Variants in APP observed in about 807,000 individuals in gnomAD.
APP encodes the protein amyloid beta precursor protein.
Under a neutral mutation model 101.4 loss-of-function variants are expected in APP, and 31 were observed. The ratio of observed to expected loss-of-function variants is 0.31; its 90% CI spans 0.23 to 0.41. APP has a LOEUF of 0.41. Among genes scored for constraint, APP ranks in the 10% least tolerant of loss-of-function variants. The pLI is 1.00. For synonymous variants in APP, 366 were observed against 364.4 expected (o/e 1.00, Z -0.05); for missense variants, 839 against 1,003.7 (o/e 0.84, Z 2.22).
At chr21:26,113,837 T>C (rs1437889674) in intron 1 of APP, among the ~76,000 whole-genome samples, 1 of 152,214 alleles carries the variant, frequency 6.6e-6, no homozygotes, top group Non-Finnish European at 1.5e-5. Flanking sequence ...GAAATGCAAA[T>C]GTTGTCAATC....
At chr21:26,152,432 G>A (rs2063297174) in intron 1 of APP, among the ~76,000 whole-genome samples, 1 of 151,828 alleles carries the variant, frequency 6.6e-6, no homozygotes, top group Non-Finnish European at 1.5e-5. Flanking sequence ...TACCCATTCA[G>A]TAAACATTAC....
At chr21:25,884,218 C>T (rs367734381) in intron 17 of APP, among the ~76,000 whole-genome samples, 26 of 152,262 alleles carry the variant, frequency 1.7e-4, no homozygotes, top group East Asian at 1.4e-3. Context: ...AGAGACTGTG[C>T]GCCACTGTGA....
rs541399519 is a variant in APP, at chr21:26,066,001, G to A, written c.356-12653C>T. Reference sequence around the variant, plus strand: ...GCTCCACAGCCTAGATCTGATTTACGTGTTCTGGGACGCGCCTGAAAACAG... The same window carrying A: ...GCTCCACAGCCTAGATCTGATTTACATGTTCTGGGACGCGCCTGAAAACAG... On this transcript the variant is annotated intron_variant, in intron 3 of 17. Coordinates refer to ENST00000346798, the MANE Select transcript of APP (RefSeq NM_000484.4). 5.3e-5 allele frequency among the ~76,000 whole-genome samples: 8 copies of A among 152,218 alleles called. No individual in the cohort carries two copies. The East Asian group carries it at 1.5e-3, about 29-fold the overall frequency.
At chr21:25,897,848 C>G in intron 15 of APP, 175 bp from the exon 16 acceptor site, 1 of 616,312 alleles carries the variant, frequency 1.6e-6, no homozygotes, top group South Asian at 2.0e-5. Flanking sequence ...CAATTACTAC[C>G]TATTTTGAAC....
intron 11 of APP, among the ~76,000 whole-genome samples, chr21:25,958,520 G>A (rs992793677): frequency 2.0e-5 from 3 of 150,704 alleles, no homozygotes; most frequent in Non-Finnish European, 4.4e-5. Context: ...CTCGTGATCT[G>A]CCCGCCTTGG....
At chr21:25,901,350 C>A in intron 15 of APP, among the ~76,000 whole-genome samples, 1 of 140,750 alleles carries the variant, frequency 7.1e-6, no homozygotes. Context: ...AAAAACTTTA[C>A]AAGCCCACAC....
At chr21:25,945,085 A>G (rs897767464) in intron 13 of APP, among the ~76,000 whole-genome samples, 1 of 152,234 alleles carries the variant, frequency 6.6e-6, no homozygotes, top group African/African-American at 2.4e-5. Context: ...ATGCACAAAA[A>G]TAAAAGAATG....
chr21:26,045,511 CTAT>C (rs1334961350), intron 5 of APP, among the ~76,000 whole-genome samples: 1 of 152,154 alleles, frequency 6.6e-6, no homozygotes, highest in Non-Finnish European at 1.5e-5. Context: ...AAAATATTTA[CTAT>C]GTTAACTCTT....
intron 17 of APP, among the ~76,000 whole-genome samples, chr21:25,889,408 T>C (rs1203741149): frequency 6.6e-6 from 1 of 152,190 alleles, no homozygotes; most frequent in Admixed American, 6.5e-5. Context: ...AGAGGGTAAA[T>C]TTCTGTTGCT....
chr21:25,984,548 G>A (rs2042566309), intron 8 of APP, among the ~76,000 whole-genome samples: 1 of 152,108 alleles, frequency 6.6e-6, no homozygotes, highest in African/African-American at 2.4e-5. Context: ...AAACCAATAT[G>A]CAAGTATTTT....
intron 1 of APP, among the ~76,000 whole-genome samples, chr21:26,132,824 G>A (rs1027766167): frequency 5.3e-5 from 8 of 152,134 alleles, no homozygotes; most frequent in African/African-American, 1.4e-4. Context: ...ATTCAGAATC[G>A]GGTTGACATG....
chr21:26,077,188 C>A (rs1255348734), intron 3 of APP, among the ~76,000 whole-genome samples: 1 of 152,126 alleles, frequency 6.6e-6, no homozygotes, highest in Non-Finnish European at 1.5e-5. Flanking sequence ...TTCTCCATAA[C>A]AAGAGGAGGT....
At chr21:25,912,726 C>T (rs866349935) in intron 13 of APP, among the ~76,000 whole-genome samples, 9 of 148,536 alleles carry the variant, frequency 6.1e-5, no homozygotes, top group Non-Finnish European at 7.4e-5. Flanking sequence ...CTGTCAGTGC[C>T]GCCTACCCCC....
intron 13 of APP, chr21:25,946,003 T>C (rs2040803480): frequency 2.3e-6 from 1 of 438,362 alleles, no homozygotes. Flanking sequence ...TTTCAACAAA[T>C]GGTGCTGGGA....
intron 5 of APP, among the ~76,000 whole-genome samples, chr21:26,040,854 T>C (rs2045343597): frequency 6.6e-6 from 1 of 152,178 alleles, no homozygotes; most frequent in South Asian, 2.1e-4. Flanking sequence ...TACAAAAATA[T>C]ATATTAAAAA....
At chr21:26,098,941 T>C (rs1261611889) in intron 2 of APP, among the ~76,000 whole-genome samples, 1 of 152,136 alleles carries the variant, frequency 6.6e-6, no homozygotes, top group South Asian at 2.1e-4. Flanking sequence ...AGAACCTGAA[T>C]AGTTAAGGGA....
intron 6 of APP, among the ~76,000 whole-genome samples, chr21:26,004,029 G>C (rs71317448): frequency 6.6e-6 from 1 of 152,146 alleles, no homozygotes; most frequent in Non-Finnish European, 1.5e-5. Context: ...TAGTAGAAAA[G>C]AGAATCTTAG....
At chr21:26,064,554 A>G (rs1040191849) in intron 3 of APP, among the ~76,000 whole-genome samples, 33 of 152,040 alleles carry the variant, frequency 2.2e-4, no homozygotes, top group African/African-American at 7.7e-4. Context: ...CGTATGTCTC[A>G]TAGGGTTTTA....
chr21:25,946,753 C>T lies in APP; in HGVS notation c.1687+7837G>A, dbSNP rs1290056004. On this transcript the variant is annotated intron_variant, in intron 13 of 17. Transcript: ENST00000346798. Reference sequence around the variant, plus strand: ...TAAAAAATTGGGCAAAGAATCTGAACGTACATCATTTATTTGAACTGAACA... The same window carrying T: ...TAAAAAATTGGGCAAAGAATCTGAATGTACATCATTTATTTGAACTGAACA... Among the ~76,000 whole-genome samples the T allele has an allele frequency of 8.7e-5, 13 of 150,170 alleles. No homozygotes were observed. The East Asian group carries it at 1.7e-3, about 20-fold the overall frequency.
Sources: allele counts gnomAD v4.1 joint callset (sites outside exome capture counted in the v4.1 genomes callset), GRCh38; gene constraint gnomAD v4.1.1; transcripts MANE v1.5; gene names NCBI Gene and HGNC (gene_info 2026-07-23, HGNC 2026-07-21).